Variants in DPP10 observed in about 807,000 individuals in gnomAD.
DPP10 encodes dipeptidyl peptidase like 10.
DPP10 carries 33 observed loss-of-function variants against 120.9 expected under a neutral mutation model. The observed-to-expected ratio is 0.27, with a 90% CI of 0.21 to 0.37. DPP10 has a LOEUF of 0.37. Ranked by LOEUF, DPP10 falls within the 10% of genes least tolerant of loss-of-function variation. The pLI is 1.00. For synonymous variants in DPP10, 337 were observed against 326.1 expected (o/e 1.03, Z -0.36); for missense variants, 816 against 942.8 (o/e 0.87, Z 1.76).
chr2:115,194,032 C>G (rs2055072212), intron 1 of DPP10, among the ~76,000 whole-genome samples: 1 of 152,118 alleles, frequency 6.6e-6, no homozygotes, highest in Non-Finnish European at 1.5e-5. Flanking sequence ...ACAAAATAGC[C>G]TCACACTTTA....
At chr2:114,914,874 G>C (rs572641716) in intron 1 of DPP10, among the ~76,000 whole-genome samples, 13 of 152,206 alleles carry the variant, frequency 8.5e-5, no homozygotes, top group Non-Finnish European at 1.8e-4. Context: ...GCTCACGCCT[G>C]TAATCCCAGC....
intron 1 of DPP10, among the ~76,000 whole-genome samples, chr2:115,025,288 G>C (rs116602991): frequency 6.6e-6 from 1 of 151,950 alleles, no homozygotes; most frequent in African/African-American, 2.4e-5. Flanking sequence ...TTCACCTAGC[G>C]TAACAACTCC....
chr2:115,772,925 G>T (rs989212628), intron 13 of DPP10, among the ~76,000 whole-genome samples: 1 of 152,056 alleles, frequency 6.6e-6, no homozygotes, highest in African/African-American at 2.4e-5. Context: ...ATTATATGTG[G>T]GTGAATCCAT....
intron 1 of DPP10, among the ~76,000 whole-genome samples, chr2:114,987,950 C>T (rs1385496556): frequency 6.6e-6 from 1 of 151,802 alleles, no homozygotes; most frequent in African/African-American, 2.4e-5. Context: ...ACTACAGGCA[C>T]CTGCCACCAC....
At chr2:115,570,771 G>C (rs932325088) in intron 5 of DPP10, among the ~76,000 whole-genome samples, 1 of 152,218 alleles carries the variant, frequency 6.6e-6, no homozygotes, top group Non-Finnish European at 1.5e-5. Flanking sequence ...CAGAAATTAA[G>C]TGTTTGCATA....
chr2:114,692,291 C>G (rs1671082531), intron 1 of DPP10, among the ~76,000 whole-genome samples: 1 of 151,978 alleles, frequency 6.6e-6, no homozygotes, highest in Non-Finnish European at 1.5e-5. Flanking sequence ...TTTCTTTGTT[C>G]TCATTAGTTT....
intron 1 of DPP10, among the ~76,000 whole-genome samples, chr2:115,106,946 G>A (rs1196598715): frequency 1.3e-5 from 2 of 151,914 alleles, no homozygotes; most frequent in African/African-American, 4.8e-5. Flanking sequence ...GTGGTGGCAG[G>A]TGCCTGTAGT....
chr2:114,951,184 A>T (rs574641482), intron 1 of DPP10, among the ~76,000 whole-genome samples: 1 of 152,314 alleles, frequency 6.6e-6, no homozygotes, highest in South Asian at 2.1e-4. Flanking sequence ...AATCAAGGCA[A>T]GATTTAGTAC....
At chr2:114,708,632 G>A (rs957135807) in intron 1 of DPP10, among the ~76,000 whole-genome samples, 1 of 151,672 alleles carries the variant, frequency 6.6e-6, no homozygotes, top group African/African-American at 2.4e-5. Context: ...ACATCACTGT[G>A]GTAAAAAAAA....
chr2:114,587,509 C>A (rs1325158034), intron 1 of DPP10, among the ~76,000 whole-genome samples: 1 of 151,710 alleles, frequency 6.6e-6, no homozygotes, highest in East Asian at 1.9e-4. Context: ...TTATCTAAGT[C>A]ATATTTATCA....
chr2:114,959,900 A>G (rs1034413589), intron 1 of DPP10, among the ~76,000 whole-genome samples: 1 of 152,192 alleles, frequency 6.6e-6, no homozygotes. Flanking sequence ...TCCTTTGCCT[A>G]GTTTTTAATT....
In DPP10 at chr2:114,758,796, G is replaced by A. The variant is rs545202003; in HGVS notation, c.60+315958G>A. ...CAGAAATCTCAACTGTATGTATGTT[G>A]TCTGCACTTAGTTTGTCAGAAAATG... On this transcript the variant is annotated intron_variant, in intron 1 of 25. Transcript: ENST00000410059. Among the ~76,000 whole-genome samples, 5 of 152,216 alleles carry A rather than the reference G, an allele frequency of 3.3e-5. No individual in the cohort carries two copies. The South Asian group carries it at 1.0e-3, about 32-fold the overall frequency.
intron 1 of DPP10, among the ~76,000 whole-genome samples, chr2:114,479,810 A>G (rs907947644): frequency 6.6e-6 from 1 of 152,228 alleles, no homozygotes; most frequent in Non-Finnish European, 1.5e-5. Context: ...ATGGGCAAGG[A>G]CTTCATGTCT....
At chr2:115,028,933 C>T (rs1703655793) in intron 1 of DPP10, among the ~76,000 whole-genome samples, 1 of 151,978 alleles carries the variant, frequency 6.6e-6, no homozygotes, top group African/African-American at 2.4e-5. Flanking sequence ...TCTTCACTTT[C>T]AGTCTGTGTG....
In DPP10 at chr2:114,656,427, C is replaced by T. The variant is rs191623999; in HGVS notation, c.60+213589C>T. On this transcript the variant is annotated intron_variant, in intron 1 of 25. Coordinates refer to ENST00000410059, the MANE Select transcript of DPP10 (RefSeq NM_020868.6). ...AAAAGGAAGAAGATAAAGGAGAGGA[C>T]GGAAGGGGGAAATAAAATTCACATA... Among the ~76,000 whole-genome samples, 9 of 151,900 alleles carry T rather than the reference C, an allele frequency of 5.9e-5. No homozygotes were observed. In the South Asian group the frequency reaches 1.0e-3, roughly 18 times the overall value.
At chr2:115,370,703 G>C (rs183239581) in intron 3 of DPP10, among the ~76,000 whole-genome samples, 1 of 152,172 alleles carries the variant, frequency 6.6e-6, no homozygotes, top group East Asian at 1.9e-4. Flanking sequence ...GGAACATTAT[G>C]TACAGAAAAT....
chr2:115,379,428 T>A (rs903553143), intron 3 of DPP10, among the ~76,000 whole-genome samples: 9 of 152,196 alleles, frequency 5.9e-5, no homozygotes, highest in Non-Finnish European at 1.0e-4. Flanking sequence ...TTGCGACTAT[T>A]TGATTCTTCT....
At position 115,762,624 on chromosome 2, in the gene DPP10, GGT is replaced by G. The variant is rs1259898281; in HGVS notation, c.1113+15_1113+16del. On this transcript the variant is annotated intron_variant, in intron 12 of 25. Transcript: ENST00000410059. The stretch of plus-strand genomic sequence containing the variant: ...CTCTCTCAGCAGGTACAGTATAGGT[GGT>G]CTGTCACATCTTGGCCATTGTGACC... 6.2e-7 allele frequency: 1 copy of G among 1,612,672 alleles called. No individual in the cohort carries two copies. The highest frequency in any genetic ancestry group is 1.1e-5 in the South Asian group (1 of 91,066).
At chr2:115,056,525 A>G (rs965808701) in intron 1 of DPP10, among the ~76,000 whole-genome samples, 2 of 151,858 alleles carry the variant, frequency 1.3e-5, no homozygotes, top group Admixed American at 1.3e-4. Flanking sequence ...ACATCTTGCT[A>G]TTTTTTTGTT....
Sources: gnomAD v4.1 joint callset for allele counts (sites outside exome capture counted in the v4.1 genomes callset) on GRCh38, gnomAD v4.1.1 for gene constraint, MANE v1.5 for transcripts, NCBI Gene and HGNC (gene_info 2026-07-23, HGNC 2026-07-21) for gene names.